Variants in TG observed in about 807,000 individuals in gnomAD.
The protein encoded by TG is thyroid hormones.
A neutral mutation model predicts 324.7 loss-of-function variants in TG; 270 were observed. The observed-to-expected ratio is 0.83, with a 90% CI of 0.75 to 0.92. The LOEUF (loss-of-function observed/expected upper bound fraction) is 0.92, where lower values mean the gene tolerates loss of function less well. Ranked by LOEUF, TG falls within the 40% of genes least tolerant of loss-of-function variation. TG has a pLI of 0.00. For missense variants in TG, 3,591 were observed against 3,456.4 expected (o/e 1.04, Z -0.98); for synonymous variants, 1,401 against 1,327.0 (o/e 1.06, Z -1.21).
chr8:132,935,123 C>G (rs949661719), intron 24 of TG, among the ~76,000 whole-genome samples: 1 of 149,562 alleles, frequency 6.7e-6, no homozygotes, highest in African/African-American at 2.4e-5. Flanking sequence ...TCTCTTGTTT[C>G]CATCTGGCAA....
chr8:132,898,822 G>A lies in TG; in HGVS notation c.3242G>A (p.Arg1081Gln), dbSNP rs1453727868. ...PQCPTTCEKS[R>Q]TSGLLSSWKQ... ...GGCCCGACAACCTGCGAGAAATCTC[G>A]AACCAGTGGGCTGCTTTCCAGTTGG... Residue 1081 changes from arginine to glutamine, a missense_variant, in exon 14 of 48, where the codon CGA becomes CAA. By Grantham distance (43) the Arg-to-Gln change is conservative. Transcript: ENST00000220616. 7 of 1,614,016 alleles carry A rather than the reference G, an allele frequency of 4.3e-6. No homozygotes were observed. Among genetic ancestry groups the A allele is most frequent in the East Asian group, 2.2e-5 (1 of 44,872 alleles).
chr8:133,126,911 TA>T (rs972713034), intron 45 of TG, among the ~76,000 whole-genome samples: 2 of 151,668 alleles, frequency 1.3e-5, no homozygotes, highest in Non-Finnish European at 2.9e-5. Flanking sequence ...TGGCTGGGGA[TA>T]AAAAAAAGGG....
rs570180615 is a variant in TG, at chr8:133,060,421, T to C, written c.7239+30398T>C. The C allele has an allele frequency of 5.5e-6, 8 of 1,467,438 alleles. No homozygotes were observed. The African/African-American group carries it at 1.2e-4, about 21-fold the overall frequency. The allele number at this position is 1,467,438 out of a possible 1,614,324, so 90.9% of individuals were successfully genotyped here. On this transcript the variant is annotated intron_variant, in intron 41 of 47. Coordinates refer to ENST00000220616, the MANE Select transcript of TG (RefSeq NM_003235.5). ...ACAGAAAAACCACAGAGAGGGAAGT[T>C]GCTAGCAAATGCTGTTGGTGGCAAA...
chr8:133,051,997 G>A (rs763542124), intron 41 of TG, among the ~76,000 whole-genome samples: 1 of 152,160 alleles, frequency 6.6e-6, no homozygotes, highest in Non-Finnish European at 1.5e-5. Flanking sequence ...ATGTTCTACA[G>A]GATACATAAA....
At chr8:133,121,311 G>A (rs895465949) in intron 45 of TG, among the ~76,000 whole-genome samples, 12 of 152,162 alleles carry the variant, frequency 7.9e-5, no homozygotes, top group African/African-American at 1.9e-4. Flanking sequence ...TCTAGGCAGC[G>A]TGGATCCTGA....
intron 29 of TG, 69 bp from the exon 30 acceptor site, chr8:132,966,491 T>C: frequency 1.9e-6 from 3 of 1,566,020 alleles, no homozygotes; most frequent in Non-Finnish European, 2.6e-6. Context: ...TGTGTGTTTC[T>C]TTCTTGTGTT....
At chr8:132,947,079 C>T (rs1011134154) in intron 26 of TG, among the ~76,000 whole-genome samples, 4 of 152,174 alleles carry the variant, frequency 2.6e-5, no homozygotes, top group Non-Finnish European at 5.9e-5. Context: ...CACAGCCGGC[C>T]CTCAAGCCTG....
rs1178919118 is a variant in TG at position 133,067,858 on chromosome 8, GAAA to G, written c.7240-27185_7240-27183del. ...AGAGAGAGACAGAGAGAGAGAGAAA[GAAA>G]GAAAGAAAGGAAGGAAGGAAGGAAG... On this transcript the variant is annotated intron_variant, in intron 41 of 47. Transcript: ENST00000220616. 6.8e-3 allele frequency among the ~76,000 whole-genome samples: 522 copies of G among 76,954 alleles called. 6 individuals are homozygous for G. The highest frequency in any genetic ancestry group is 0.034 in the African/African-American group (503 of 14,806). 50.5% of individuals were successfully genotyped at this position (76,954 alleles called of 152,430 possible).
At chr8:133,128,334 CGT>C (rs1278532144) in intron 45 of TG, among the ~76,000 whole-genome samples, 10 of 83,928 alleles carry the variant, frequency 1.2e-4, no homozygotes, top group African/African-American at 5.8e-4. Flanking sequence ...AAACAAAAGG[CGT>C]GCACACACAC....
intron 41 of TG, among the ~76,000 whole-genome samples, chr8:133,066,119 C>T (rs1842998899): frequency 1.3e-5 from 2 of 152,078 alleles, no homozygotes; most frequent in South Asian, 2.1e-4. Flanking sequence ...GTGAGGAGAT[C>T]GAGACCATCC....
intron 27 of TG, among the ~76,000 whole-genome samples, chr8:132,959,143 T>G (rs1034783577): frequency 6.6e-6 from 1 of 152,218 alleles, no homozygotes. Flanking sequence ...TGCAACTCAG[T>G]CTTTTTGTCT....
Position 132,898,867 on chromosome 8 carries a change from A to G in TG, c.3287A>G (p.Glu1096Gly), listed in dbSNP as rs753305145. 24 of 1,614,072 alleles carry G rather than the reference A, an allele frequency of 1.5e-5. No homozygotes were observed. Among genetic ancestry groups the G allele is most frequent in the Non-Finnish European group, 1.9e-5 (22 of 1,180,040 alleles). The part of the protein sequence containing the change: ...LSSWKQARSQ[E>G]NPSPKDLFVP... ...AGTTGGAAACAGGCTAGATCCCAAG[A>G]AAACCCATCTCCAAAAGACCTGTTC... Residue 1096 changes from glutamate (E) to glycine (G), a missense_variant, in exon 14 of 48, where the codon GAA becomes GGA. Coordinates refer to ENST00000220616, the MANE Select transcript of TG (RefSeq NM_003235.5).
At chr8:133,050,432 A>G (rs1354019793) in intron 41 of TG, 1 of 247,190 alleles carries the variant, frequency 4.0e-6, no homozygotes, top group Non-Finnish European at 7.9e-6. Flanking sequence ...GTAAGAGGAG[A>G]GAAGGCAAAT....
intron 37 of TG, among the ~76,000 whole-genome samples, chr8:133,016,464 A>C (rs988185759): frequency 3.9e-5 from 6 of 151,970 alleles, no homozygotes; most frequent in African/African-American, 1.5e-4. Context: ...CCAGTTGAGA[A>C]CCTCTATATG....
Position 132,967,251 on chromosome 8 carries a change from T to C in TG, c.5687-543T>C, listed in dbSNP as rs77461631. ...CCATCCATCCATCCATCCATCCATC[T>C]ATCCATCCATCCATTTGGCAGTTAT... On this transcript the variant is annotated intron_variant, in intron 30 of 47. Coordinates refer to ENST00000220616, the MANE Select transcript of TG (RefSeq NM_003235.5). Among the ~76,000 whole-genome samples, 18 of 78,792 alleles carry C rather than the reference T, an allele frequency of 2.3e-4. No homozygotes were observed. In the East Asian group the frequency reaches 3.6e-3, roughly 16 times the overall value. The allele number at this position is 78,792 out of a possible 152,430, so 51.7% of individuals were successfully genotyped here.
intron 41 of TG, chr8:133,039,918 C>T (rs76747313): frequency 0.037 from 56,194 of 1,505,810 alleles, 1,199 homozygotes; most frequent in Non-Finnish European, 0.045. Flanking sequence ...GCACACACAC[C>T]GTTTTGTGCT....
chr8:132,900,244 A>T lies in TG; in HGVS notation c.3338A>T (p.Glu1113Val). ...LFVPACLETGEYARLQASGAG... is the reference protein window; with the variant it reads ...LFVPACLETGVYARLQASGAG... ...ACCCCGGCTTTGTCTCAGACAGGAG[A>T]GTATGCCAGGCTGCAGGCATCGGGG... The change falls in exon 15 of 48, where the codon GAG becomes GTG. Residue 1113 changes from glutamate to valine, a missense_variant. Transcript: ENST00000220616. The T allele has an allele frequency of 6.2e-7, 1 of 1,613,786 alleles. No individual in the cohort carries two copies. Among genetic ancestry groups the T allele is most frequent in the Admixed American group, 1.7e-5 (1 of 60,006 alleles).
chr8:133,132,597 A>G (rs1245117096), intron 46 of TG, among the ~76,000 whole-genome samples: 1 of 152,040 alleles, frequency 6.6e-6, no homozygotes, highest in African/African-American at 2.4e-5. Flanking sequence ...TTTTTGCCTG[A>G]TGTGAGTTGA....
In TG at chr8:132,888,149, T is replaced by C. The variant is rs1408712028; in HGVS notation, c.2342T>C (p.Val781Ala). 6.2e-7 allele frequency: 1 copy of C among 1,614,004 alleles called. No homozygotes were observed. The highest frequency in any genetic ancestry group is 8.5e-7 in the Non-Finnish European group (1 of 1,179,970). Residue 781 changes from valine (V) to alanine (A), a missense_variant, in exon 10 of 48, where the codon GTC becomes GCC. By Grantham distance (64) the Val-to-Ala change is moderately conservative. Coordinates refer to ENST00000220616, the MANE Select transcript of TG (RefSeq NM_003235.5). ...CAATGCAATGGGCCTCCTGAGCAGG[T>C]CTTCGAGTTGTACCAACGATGGGAG... ...QVQCNGPPEQ[V>A]FELYQRWEAQ...
Sources: allele counts gnomAD v4.1 joint callset (sites outside exome capture counted in the v4.1 genomes callset), GRCh38; gene constraint gnomAD v4.1.1; transcripts MANE v1.5; gene names NCBI Gene and HGNC (gene_info 2026-07-23, HGNC 2026-07-21).